The following PTPRK variants were observed in gnomAD, a reference collection of about 807,000 sequenced individuals.
PTPRK encodes the protein protein tyrosine phosphatase receptor type K, also known as receptor-type tyrosine-protein phosphatase kappa.
A neutral mutation model predicts 178.0 loss-of-function variants in PTPRK; 75 were observed. That is an observed-to-expected ratio of 0.42 (90% confidence interval 0.35 to 0.51). The LOEUF (loss-of-function observed/expected upper bound fraction) is 0.51. Ranked by LOEUF, PTPRK falls within the 20% of genes least tolerant of loss-of-function variation. The pLI is 0.02. For synonymous variants in PTPRK, 637 were observed against 620.6 expected, an observed-to-expected ratio of 1.03 and a Z score of -0.39; for missense variants, 1,441 against 1,797.8, an observed-to-expected ratio of 0.80 and a Z score of 3.59.
At chr6:128,119,514 T>C (rs1792106853) in intron 7 of PTPRK, among the ~76,000 whole-genome samples, 1 of 152,060 alleles carries the variant, frequency 6.6e-6, no homozygotes, top group African/African-American at 2.4e-5. Context: ...AAATATTTTC[T>C]CAAAGGATTT....
intron 7 of PTPRK, among the ~76,000 whole-genome samples, chr6:128,116,851 T>C (rs1791603222): frequency 6.6e-6 from 1 of 152,172 alleles, no homozygotes; most frequent in African/African-American, 2.4e-5. Flanking sequence ...TTCCCATTAA[T>C]ATATAAACTA....
intron 6 of PTPRK, among the ~76,000 whole-genome samples, chr6:128,213,794 G>C (rs938570298): frequency 6.6e-6 from 1 of 152,032 alleles, no homozygotes; most frequent in Non-Finnish European, 1.5e-5. Context: ...AAAAAGATTA[G>C]AGTACCGGAA....
intron 6 of PTPRK, among the ~76,000 whole-genome samples, chr6:128,216,542 TA>T (rs75802526): frequency 0.08 from 6,755 of 84,202 alleles, 337 homozygotes; most frequent in East Asian, 0.38. Context: ...CTCAGAAAAA[TA>T]AAAAAAAAAA....
chr6:128,251,859 G>A lies in PTPRK; in HGVS notation c.496-9257C>T, dbSNP rs138962930. 1.3e-3 allele frequency among the ~76,000 whole-genome samples: 197 copies of A among 152,254 alleles called. 1 individual carries two copies. In the East Asian group the frequency reaches 0.016, roughly 12 times the overall value. Reference sequence around the variant, plus strand: ...GGCTTTGATTACAAAAATATCCTGAGGTTTAGCATTACCAATTGCCTGCAT... The same window carrying A: ...GGCTTTGATTACAAAAATATCCTGAAGTTTAGCATTACCAATTGCCTGCAT... On this transcript the variant is annotated intron_variant, in intron 3 of 29. Coordinates refer to ENST00000368226, the MANE Select transcript of PTPRK (RefSeq NM_002844.4).
intron 2 of PTPRK, among the ~76,000 whole-genome samples, chr6:128,353,992 A>C (rs1455322685): frequency 7.9e-5 from 12 of 152,136 alleles, no homozygotes; most frequent in Admixed American, 7.9e-4. Context: ...ATAAAGGGAC[A>C]CAAAAACTCC....
chr6:128,298,433 C>T (rs1288995844), intron 3 of PTPRK, among the ~76,000 whole-genome samples: 1 of 140,276 alleles, frequency 7.1e-6, no homozygotes, highest in South Asian at 2.1e-4. Flanking sequence ...CCAAAAAAGA[C>T]CAATATCCTT....
intron 5 of PTPRK, among the ~76,000 whole-genome samples, chr6:128,229,488 G>A (rs1811945741): frequency 6.6e-6 from 1 of 152,094 alleles, no homozygotes; most frequent in East Asian, 1.9e-4. Flanking sequence ...CTAGAAATGA[G>A]TATCTCTCAG....
intron 2 of PTPRK, among the ~76,000 whole-genome samples, chr6:128,353,047 A>T (rs1297496873): frequency 6.6e-6 from 1 of 152,062 alleles, no homozygotes; most frequent in Non-Finnish European, 1.5e-5. Context: ...CTCAGCACTT[A>T]AAAAAAACTA....
chr6:128,378,915 A>G (rs1837482424), intron 2 of PTPRK, among the ~76,000 whole-genome samples: 1 of 152,142 alleles, frequency 6.6e-6, no homozygotes. Flanking sequence ...TAACAGAGGA[A>G]AGTAATGAGT....
At position 128,082,584 on chromosome 6, in the gene PTPRK, G is replaced by C. The variant is rs753446297; in HGVS notation, c.1630C>G (p.Pro544Ala). 2 of 1,612,808 alleles carry C rather than the reference G, an allele frequency of 1.2e-6. No individual in the cohort carries two copies. The highest frequency in any genetic ancestry group is 1.7e-4 in the Middle Eastern group (1 of 6,052). ...TTCCATAAATTTGATACAGTCTGGG[G>C]AGGTCCAGCCACTGGAACTGCAGGA... is the stretch of plus-strand genomic sequence containing the variant. ...FDPAVPVAGP[P>A]QTVSNLWNST... Residue 544 changes from proline to alanine, a missense_variant, in exon 10 of 30, where the codon CCC becomes GCC. This residue lies in a region of PTPRK where 945 missense variants were observed against 1,080.6 expected (regional missense o/e 0.87). Coordinates refer to ENST00000368226, the MANE Select transcript of PTPRK (RefSeq NM_002844.4).
intron 7 of PTPRK, among the ~76,000 whole-genome samples, chr6:128,140,745 C>T (rs974875188): frequency 2.0e-5 from 3 of 151,912 alleles, no homozygotes; most frequent in African/African-American, 7.2e-5. Flanking sequence ...ACTTTTCAGA[C>T]TTAATTTTTC....
At chr6:128,301,119 A>G (rs1348236971) in intron 3 of PTPRK, among the ~76,000 whole-genome samples, 1 of 152,176 alleles carries the variant, frequency 6.6e-6, no homozygotes, top group Non-Finnish European at 1.5e-5. Flanking sequence ...AAGACACTTG[A>G]AAAATATTTC....
At chr6:128,012,469 T>G (rs1779161561) in intron 13 of PTPRK, among the ~76,000 whole-genome samples, 1 of 151,308 alleles carries the variant, frequency 6.6e-6, no homozygotes, top group African/African-American at 2.4e-5. Flanking sequence ...AAAGACAATG[T>G]GGAGCACCTT....
intron 1 of PTPRK, among the ~76,000 whole-genome samples, chr6:128,409,597 T>G (rs946928772): frequency 3.9e-5 from 6 of 152,178 alleles, no homozygotes; most frequent in African/African-American, 1.4e-4. Flanking sequence ...CATTTTCAAT[T>G]AGTGGTCTAC....
intron 1 of PTPRK, among the ~76,000 whole-genome samples, chr6:128,472,379 C>T (rs965668138): frequency 1.3e-5 from 2 of 151,308 alleles, no homozygotes; most frequent in Non-Finnish European, 2.9e-5. Context: ...TTTTTTGACA[C>T]CCTCCCCAAT....
rs149825205 is a variant in PTPRK, at chr6:128,499,532, C to T, written c.100+20727G>A. Among the ~76,000 whole-genome samples, 378 of 152,282 alleles carry T rather than the reference C, an allele frequency of 2.5e-3. 5 individuals carry two copies. In the South Asian group the frequency reaches 0.033, roughly 13 times the overall value. On this transcript the variant is annotated intron_variant, in intron 1 of 29. Coordinates refer to ENST00000368226, the MANE Select transcript of PTPRK (RefSeq NM_002844.4). ...GTTAAATTACTCATTTACCAAATTA[C>T]GCAAACTCTATGCTCTTTGCACTGT...
intron 2 of PTPRK, among the ~76,000 whole-genome samples, chr6:128,365,795 A>G (rs1222557767): frequency 6.6e-6 from 1 of 152,128 alleles, no homozygotes; most frequent in African/African-American, 2.4e-5. Flanking sequence ...TAAATCAGTA[A>G]CAAGGAAAAC....
chr6:128,443,644 C>T (rs921908166), intron 1 of PTPRK, among the ~76,000 whole-genome samples: 4 of 152,030 alleles, frequency 2.6e-5, no homozygotes, highest in African/African-American at 9.7e-5. Flanking sequence ...GAAGGTGAGG[C>T]AGAGACAGAG....
At chr6:128,302,156 G>A (rs779439403) in intron 3 of PTPRK, among the ~76,000 whole-genome samples, 20 of 151,816 alleles carry the variant, frequency 1.3e-4, no homozygotes, top group Non-Finnish European at 2.5e-4. Flanking sequence ...TGGGAGGCCG[G>A]GGTGGGCGGA....
Sources: allele counts gnomAD v4.1 joint callset (sites outside exome capture counted in the v4.1 genomes callset), GRCh38; gene constraint gnomAD v4.1.1; regional missense constraint gnomAD v4.1.1; transcripts MANE v1.5; gene names NCBI Gene and HGNC (gene_info 2026-07-23, HGNC 2026-07-21).